LRBA: variants seen among roughly 807,000 people sequenced by gnomAD.
The protein encoded by LRBA is LPS responsive beige-like anchor protein.
LRBA carries 176 observed loss-of-function variants against 330.0 expected under a neutral mutation model. The observed-to-expected ratio is 0.53, with a 90% CI of 0.47 to 0.60. The LOEUF is 0.60. Ranked by LOEUF, LRBA falls within the 20% of genes least tolerant of loss-of-function variation. LRBA has a pLI of 0.00. For synonymous variants in LRBA, 1,230 were observed against 1,193.0 expected, an observed-to-expected ratio of 1.03 and a Z score of -0.64; for missense variants, 3,259 against 3,444.8, an observed-to-expected ratio of 0.95 and a Z score of 1.35.
intron 44 of LRBA, among the ~76,000 whole-genome samples, chr4:150,446,032 G>T (rs1752577391): frequency 6.6e-6 from 1 of 152,092 alleles, no homozygotes; most frequent in African/African-American, 2.4e-5. Flanking sequence ...TGGAACTAGA[G>T]GCATTATGTT....
At chr4:150,833,583 T>C (rs1578931577) in intron 28 of LRBA, among the ~76,000 whole-genome samples, 1 of 152,136 alleles carries the variant, frequency 6.6e-6, no homozygotes, top group Non-Finnish European at 1.5e-5. Context: ...TACAACAGCA[T>C]TGTATCTAAA....
At chr4:150,283,946 G>A (rs1747852806) in intron 54 of LRBA, among the ~76,000 whole-genome samples, 1 of 151,944 alleles carries the variant, frequency 6.6e-6, no homozygotes, top group Admixed American at 6.5e-5. Context: ...TTGCTTTTTT[G>A]TCTCCCAGTG....
chr4:150,602,362 C>CA, intron 37 of LRBA, among the ~76,000 whole-genome samples: 1 of 152,126 alleles, frequency 6.6e-6, no homozygotes, highest in East Asian at 1.9e-4. Context: ...ATTTATCACC[C>CA]AATTTCAGAT....
At chr4:150,411,117 C>T (rs1483563119) in intron 47 of LRBA, among the ~76,000 whole-genome samples, 1 of 151,934 alleles carries the variant, frequency 6.6e-6, no homozygotes, top group Non-Finnish European at 1.5e-5. Flanking sequence ...TTGGTTTTAC[C>T]CTGATTCCAA....
At chr4:151,005,264 T>C (rs1355485106) in intron 2 of LRBA, among the ~76,000 whole-genome samples, 1 of 151,518 alleles carries the variant, frequency 6.6e-6, no homozygotes, top group African/African-American at 2.4e-5. Flanking sequence ...GCCAACATAG[T>C]GAAAGCCTGT....
rs1384014823 is a variant in LRBA at position 150,516,215 on chromosome 4, C to CTTTTTTTTT, written c.6331-25181_6331-25180insAAAAAAAAA. Among the ~76,000 whole-genome samples the CTTTTTTTTT allele has an allele frequency of 7.2e-4, 62 of 86,674 alleles. 5 individuals are homozygous for CTTTTTTTTT. The highest frequency in any genetic ancestry group is 7.6e-3 in the Middle Eastern group (1 of 132). 56.9% of individuals were successfully genotyped at this position (86,674 alleles called of 152,430 possible). A position where few individuals can be genotyped will look rare whatever the true frequency, so the allele number is the denominator to read the frequency against. ...GTAATTCAGTCTGACATTTTCTATTCTCTTTTTTTTTTTTTTTTTTTTTTT... is the reference window on the plus strand; with the variant it reads ...GTAATTCAGTCTGACATTTTCTATTCTTTTTTTTTTCTTTTTTTTTTTTTTTTTTTTTTT... On this transcript the variant is annotated intron_variant, in intron 40 of 56. Coordinates refer to ENST00000651943, the MANE Select transcript of LRBA (RefSeq NM_001364905.1).
intron 33 of LRBA, among the ~76,000 whole-genome samples, chr4:150,801,530 T>C (rs1182828556): frequency 6.6e-6 from 1 of 152,242 alleles, no homozygotes; most frequent in Non-Finnish European, 1.5e-5. Context: ...GAATTTTTTA[T>C]TTCCATATAA....
chr4:150,444,309 A>G (rs1468886958), intron 44 of LRBA, among the ~76,000 whole-genome samples: 2 of 152,102 alleles, frequency 1.3e-5, no homozygotes, highest in Non-Finnish European at 2.9e-5. Flanking sequence ...TTTTTATAGA[A>G]GCCAATGAAT....
At chr4:150,968,854 T>C (rs1739203271) in intron 2 of LRBA, among the ~76,000 whole-genome samples, 1 of 152,224 alleles carries the variant, frequency 6.6e-6, no homozygotes, top group South Asian at 2.1e-4. Flanking sequence ...CAAAGCTTCA[T>C]AGAACAGGCA....
At position 150,648,701 on chromosome 4, in the gene LRBA, G is replaced by A. The variant is rs76262364; in HGVS notation, c.5921+34850C>T. Among the ~76,000 whole-genome samples, 71 of 152,164 alleles carry A rather than the reference G, an allele frequency of 4.7e-4. No individual in the cohort carries two copies. In the East Asian group the frequency reaches 0.014, roughly 29 times the overall value. ...TAAGATGAAGCTTATTAGCATTTTA[G>A]AAAACGTTGGCAATACAGTTACAGG... is the stretch of plus-strand genomic sequence containing the variant. On this transcript the variant is annotated intron_variant, in intron 37 of 56. Coordinates refer to ENST00000651943, the MANE Select transcript of LRBA (RefSeq NM_001364905.1).
chr4:150,736,457 T>G (rs1010988064), intron 35 of LRBA, among the ~76,000 whole-genome samples: 1 of 151,240 alleles, frequency 6.6e-6, no homozygotes, highest in Admixed American at 6.6e-5. Context: ...TGAAAAAAAA[T>G]AAATAAATAT....
chr4:150,889,582 T>C (rs1157115967), intron 17 of LRBA, among the ~76,000 whole-genome samples: 1 of 152,184 alleles, frequency 6.6e-6, no homozygotes, highest in Non-Finnish European at 1.5e-5. Context: ...TAGAACCCTA[T>C]TGTAAACTGT....
intron 47 of LRBA, among the ~76,000 whole-genome samples, chr4:150,356,089 A>T (rs1425844959): frequency 6.6e-6 from 1 of 152,058 alleles, no homozygotes; most frequent in Non-Finnish European, 1.5e-5. Context: ...CAGCCTAATT[A>T]GAACTGTTTC....
chr4:150,955,627 C>G (rs1054058084), intron 2 of LRBA, among the ~76,000 whole-genome samples: 8 of 148,312 alleles, frequency 5.4e-5, no homozygotes, highest in Admixed American at 4.6e-4. Flanking sequence ...CGCCGTGGCT[C>G]ACACCTGTAA....
rs1750518028 is a variant in LRBA, at chr4:150,850,752, T to C, written c.3976A>G (p.Ile1326Val). ...CTCCACATCTGTATATCTGTTTCTATTGAAAATAATAGATCAGTGAGCAAA... is the reference window on the plus strand; with the variant it reads ...CTCCACATCTGTATATCTGTTTCTACTGAAAATAATAGATCAGTGAGCAAA... Reference protein sequence around the residue: ...QRLLTDLLFSIETDIQMWRSH... With the variant: ...QRLLTDLLFSVETDIQMWRSH... The change falls in exon 24 of 57, where the codon ATA becomes GTA. Residue 1326 changes from isoleucine (I) to valine (V), a missense_variant. Transcript: ENST00000651943. 6.2e-7 allele frequency: 1 copy of C among 1,612,926 alleles called. No individual in the cohort carries two copies. Among genetic ancestry groups the C allele is most frequent in the Non-Finnish European group, 8.5e-7 (1 of 1,179,196 alleles).
At chr4:150,267,688 TAGTAAAATGATTGATAGGAAAAA>T (rs1745542280) in intron 56 of LRBA, among the ~76,000 whole-genome samples, 1 of 151,494 alleles carries the variant, frequency 6.6e-6, no homozygotes, top group Non-Finnish European at 1.5e-5. Context: ...AAGCAGAAAA[TAGTAAAATGATTGATAGGAAAAA>T]ACCCAAAAAT....
At chr4:150,842,844 CT>C (rs927840228) in intron 28 of LRBA, among the ~76,000 whole-genome samples, 1 of 151,432 alleles carries the variant, frequency 6.6e-6, no homozygotes, top group African/African-American at 2.4e-5. Flanking sequence ...GGTCCCCAAC[CT>C]TTTTGGCACA....
intron 36 of LRBA, among the ~76,000 whole-genome samples, chr4:150,721,828 G>A (rs1480993377): frequency 6.6e-6 from 1 of 152,064 alleles, no homozygotes; most frequent in Non-Finnish European, 1.5e-5. Context: ...TGTTGGCCAG[G>A]CTGGTCGCGA....
intron 47 of LRBA, among the ~76,000 whole-genome samples, chr4:150,411,531 C>A (rs1190864220): frequency 6.6e-6 from 1 of 152,146 alleles, no homozygotes; most frequent in Non-Finnish European, 1.5e-5. Flanking sequence ...TCCTATAGAT[C>A]ATCTGTTCTT....
Sources: gnomAD v4.1 joint callset for allele counts (sites outside exome capture counted in the v4.1 genomes callset) on GRCh38, gnomAD v4.1.1 for gene constraint, MANE v1.5 for transcripts, NCBI Gene and HGNC (gene_info 2026-07-23, HGNC 2026-07-21) for gene names.